Variants in TENM3 observed in about 807,000 individuals in gnomAD.
TENM3 encodes teneurin transmembrane protein 3.
TENM3 carries 63 observed loss-of-function variants against 255.1 expected under a neutral mutation model. That is an observed-to-expected ratio of 0.25 (90% confidence interval 0.20 to 0.30). The LOEUF is 0.30. TENM3 is among the 10% of genes least tolerant of loss of function. The pLI is 1.00. For missense variants in TENM3, 2,929 were observed against 3,461.1 expected, an observed-to-expected ratio of 0.85 and a Z score of 3.86; for synonymous variants, 1,306 against 1,322.3, an observed-to-expected ratio of 0.99 and a Z score of 0.27.
chr4:181,601,266 T>G, the TENM3 span, among the ~76,000 whole-genome samples: 2 of 152,244 alleles, frequency 1.3e-5, no homozygotes, highest in South Asian at 4.1e-4. Flanking sequence ...CATACCTCTC[T>G]TCTAGCTTCT....
At chr4:182,297,805 A>C (rs892753150) in intron 1 of TENM3, among the ~76,000 whole-genome samples, 1 of 152,238 alleles carries the variant, frequency 6.6e-6, no homozygotes, top group Non-Finnish European at 1.5e-5. Context: ...GCCAGGATCC[A>C]AGCATAGCTC....
At chr4:181,578,950 C>T in the TENM3 span, among the ~76,000 whole-genome samples, 1 of 152,124 alleles carries the variant, frequency 6.6e-6, no homozygotes, top group Non-Finnish European at 1.5e-5. Flanking sequence ...CGATTCAGCC[C>T]CTCACACATG....
At chr4:182,632,502 A>G (rs1171921713) in intron 5 of TENM3, among the ~76,000 whole-genome samples, 1 of 152,168 alleles carries the variant, frequency 6.6e-6, no homozygotes, top group African/African-American at 2.4e-5. Context: ...TTGATTTATT[A>G]CTAGTAGCGC....
the TENM3 span, among the ~76,000 whole-genome samples, chr4:181,590,522 G>C: frequency 9.3e-4 from 141 of 152,240 alleles, 1 homozygote; most frequent in African/African-American, 3.3e-3. Context: ...ACAGCTAGGG[G>C]CACCATCCTT....
chr4:182,642,035 T>C (rs1333602682), intron 5 of TENM3, among the ~76,000 whole-genome samples: 2 of 152,216 alleles, frequency 1.3e-5, no homozygotes, highest in Non-Finnish European at 1.5e-5. Flanking sequence ...ACAAATCATG[T>C]AAATGATTTC....
At chr4:181,819,884 C>G in the TENM3 span, 1 of 152,056 alleles carries the variant, frequency 6.6e-6, no homozygotes, top group Non-Finnish European at 1.5e-5. Context: ...TTGGGGACCC[C>G]TGATCTAGAA....
chr4:182,745,561 A>G (rs967652595), intron 19 of TENM3, among the ~76,000 whole-genome samples: 1 of 152,224 alleles, frequency 6.6e-6, no homozygotes, highest in Non-Finnish European at 1.5e-5. Flanking sequence ...AGATCCACAC[A>G]GCAACCCCTC....
Position 182,688,319 on chromosome 4 carries a change from G to C in TENM3, c.2189G>C (p.Ser730Thr), listed in dbSNP as rs767465336. Residue 730 changes from serine to threonine, a missense_variant, in exon 12 of 28, where the codon AGC becomes ACC. Ser to Thr is a moderately conservative substitution (Grantham distance 58). This residue lies in a region of TENM3 where 1,608 missense variants were observed against 1,884.4 expected (regional missense o/e 0.85). Transcript: ENST00000511685. ...GTCKDGKCEC[S>T]QGWNGEHCTI... ...TGCAAGGATGGCAAGTGTGAATGCA[G>C]CCAGGGCTGGAATGGAGAGCACTGC... 2 of 1,613,680 alleles carry C rather than the reference G, an allele frequency of 1.2e-6. No individual in the cohort carries two copies. Among genetic ancestry groups the C allele is most frequent in the Non-Finnish European group, 1.7e-6 (2 of 1,179,740 alleles).
chr4:182,214,530 A>G (rs1300991626), intron 1 of TENM3, among the ~76,000 whole-genome samples: 1 of 150,838 alleles, frequency 6.6e-6, no homozygotes, highest in African/African-American at 2.4e-5. Flanking sequence ...TTATTTATTT[A>G]TTTATTTATT....
intron 3 of TENM3, among the ~76,000 whole-genome samples, chr4:182,567,009 T>C (rs900217183): frequency 3.9e-5 from 6 of 152,192 alleles, no homozygotes; most frequent in Non-Finnish European, 7.3e-5. Context: ...ATGAAGCATG[T>C]GTTAACTACA....
Position 182,471,627 on chromosome 4 carries a change from CTGTGTG to C in TENM3, c.511+124718_511+124723del, listed in dbSNP as rs35316767. On this transcript the variant is annotated intron_variant, in intron 3 of 27. Coordinates refer to ENST00000511685, the MANE Select transcript of TENM3 (RefSeq NM_001080477.4). The stretch of plus-strand genomic sequence containing the variant: ...TTGAAATGTTATGTGGCACATGCCT[CTGTGTG>C]TGTGTGTGTGTGTGTGTGTAAGTAT... Among the ~76,000 whole-genome samples the C allele has an allele frequency of 3.7e-3, 555 of 149,816 alleles. 2 individuals are homozygous for C. The highest frequency in any genetic ancestry group is 5.2e-3 in the Non-Finnish European group (348 of 67,354).
chr4:182,636,209 G>A (rs1253168347), intron 5 of TENM3, among the ~76,000 whole-genome samples: 1 of 152,090 alleles, frequency 6.6e-6, no homozygotes, highest in Non-Finnish European at 1.5e-5. Flanking sequence ...AAAATGTGTT[G>A]CCTATATTTT....
At chr4:182,016,421 G>C in the TENM3 span, among the ~76,000 whole-genome samples, 1 of 152,130 alleles carries the variant, frequency 6.6e-6, no homozygotes. Context: ...TCCTGAGATG[G>C]TATTTGTTAA....
chr4:182,679,989 G>T, intron 8 of TENM3, 113 bp downstream of exon 8: 1 of 915,530 alleles, frequency 1.1e-6, no homozygotes, highest in Admixed American at 2.6e-5. Context: ...TTAAAGCCCA[G>T]GTAAAATGTG....
the TENM3 span, among the ~76,000 whole-genome samples, chr4:181,517,966 C>T: frequency 6.6e-6 from 1 of 152,066 alleles, no homozygotes; most frequent in East Asian, 1.9e-4. Context: ...CACATCCAAG[C>T]AAATCAGACG....
the TENM3 span, among the ~76,000 whole-genome samples, chr4:181,812,144 C>T: frequency 6.6e-6 from 1 of 152,164 alleles, no homozygotes; most frequent in Admixed American, 6.5e-5. Context: ...TTTTGGCTCA[C>T]TTAAAGTGTC....
the TENM3 span, among the ~76,000 whole-genome samples, chr4:181,829,499 A>G: frequency 2.0e-5 from 3 of 152,154 alleles, no homozygotes; most frequent in Admixed American, 6.5e-5. Context: ...TAGAAACTCA[A>G]TGTAGTCAAT....
chr4:181,853,706 T>C, the TENM3 span, among the ~76,000 whole-genome samples: 3 of 152,204 alleles, frequency 2.0e-5, no homozygotes, highest in East Asian at 5.8e-4. Flanking sequence ...AGAATCACAG[T>C]TGTTAAGAAA....
intron 2 of TENM3, among the ~76,000 whole-genome samples, chr4:182,325,953 T>C (rs905285895): frequency 3.3e-5 from 5 of 152,118 alleles, no homozygotes; most frequent in African/African-American, 1.2e-4. Flanking sequence ...GCAGCCTTGA[T>C]CCAGCGCAGA....
Sources: allele counts gnomAD v4.1 joint callset (sites outside exome capture counted in the v4.1 genomes callset), GRCh38; gene constraint gnomAD v4.1.1; regional missense constraint gnomAD v4.1.1; transcripts MANE v1.5; gene names NCBI Gene and HGNC (gene_info 2026-07-23, HGNC 2026-07-21).